ARHGEF7: variants seen among roughly 807,000 people sequenced by gnomAD.
The protein encoded by ARHGEF7 is PAK-interacting exchange factor beta.
ARHGEF7 carries 33 observed loss-of-function variants against 109.8 expected under a neutral mutation model. The ratio of observed to expected loss-of-function variants is 0.30; its 90% CI spans 0.23 to 0.40. The LOEUF is 0.40. Ranked by LOEUF, ARHGEF7 falls within the 10% of genes least tolerant of loss-of-function variation. The pLI, the probability that ARHGEF7 is intolerant of heterozygous loss-of-function variation, is 1.00. For missense variants in ARHGEF7, 938 were observed against 1,098.5 expected (o/e 0.85, Z 2.07); for synonymous variants, 458 against 424.6 (o/e 1.08, Z -0.97).
rs1363647615 is a variant in ARHGEF7, at chr13:111,300,621, A to G, written c.2312-127A>G. On this transcript the variant is annotated intron_variant, in intron 19 of 21. Coordinates refer to ENST00000646102, the MANE Select transcript of ARHGEF7 (RefSeq NM_001354046.2). The stretch of plus-strand genomic sequence containing the variant: ...AGATGCCCTCCTCTAGCTTGCCTGG[A>G]TGAACGTTTTTAAATGCATAATTGC... The G allele has an allele frequency of 6.4e-6, 4 of 626,826 alleles. No homozygotes were observed. The East Asian group carries it at 1.2e-4, about 19-fold the overall frequency. The allele number at this position is 626,826 out of a possible 1,614,324, so 38.8% of individuals were successfully genotyped here.
intron 18 of ARHGEF7, among the ~76,000 whole-genome samples, chr13:111,289,754 C>T (rs1229638095): frequency 6.6e-6 from 1 of 151,084 alleles, no homozygotes; most frequent in Non-Finnish European, 1.5e-5. Flanking sequence ...ATAGGATGAG[C>T]AGGGTAAATC....
chr13:111,277,542 T>G (rs1567051204), intron 12 of ARHGEF7, 45 bp from the exon 13 acceptor site: 1 of 1,193,102 alleles, frequency 8.4e-7, no homozygotes, highest in Non-Finnish European at 1.2e-6. Flanking sequence ...ATTTGTTAAG[T>G]AGATGTTTTT....
At chr13:111,154,069 C>G in intron 2 of ARHGEF7, 78 bp downstream of exon 2, 1 of 1,389,562 alleles carries the variant, frequency 7.2e-7, no homozygotes, top group Non-Finnish European at 9.6e-7. Flanking sequence ...TCGCTCCAGC[C>G]GGACCTCCTG....
intron 2 of ARHGEF7, among the ~76,000 whole-genome samples, chr13:111,197,116 T>A (rs562773463): frequency 6.6e-6 from 1 of 152,150 alleles, no homozygotes; most frequent in African/African-American, 2.4e-5. Flanking sequence ...CAAGAACCTA[T>A]AATGGTCCCT....
chr13:111,202,264 G>C (rs2081294157), intron 2 of ARHGEF7, among the ~76,000 whole-genome samples: 1 of 152,214 alleles, frequency 6.6e-6, no homozygotes, highest in Non-Finnish European at 1.5e-5. Flanking sequence ...GCTTCAGCTG[G>C]GCAGGATTCC....
At chr13:111,151,185 T>TATA (rs1566632363) in intron 1 of ARHGEF7, among the ~76,000 whole-genome samples, 1 of 152,244 alleles carries the variant, frequency 6.6e-6, no homozygotes, top group Non-Finnish European at 1.5e-5. Context: ...CCAACATTCT[T>TATA]ATAAAACAAG....
intron 2 of ARHGEF7, among the ~76,000 whole-genome samples, chr13:111,164,429 A>G (rs966144802): frequency 6.6e-6 from 1 of 152,232 alleles, no homozygotes; most frequent in Non-Finnish European, 1.5e-5. Context: ...GCAAGTTCTC[A>G]GGAGAACTTA....
intron 19 of ARHGEF7, chr13:111,293,375 A>G (rs550452150): frequency 4.1e-6 from 4 of 984,950 alleles, no homozygotes; most frequent in Non-Finnish European, 4.8e-6. Flanking sequence ...ACAATGCCTC[A>G]TTGTAATGGG....
At chr13:111,301,582 AAAG>A (rs765949645) in intron 21 of ARHGEF7, 50 bp downstream of exon 21, 57 of 1,475,108 alleles carry the variant, frequency 3.9e-5, no homozygotes, top group South Asian at 1.0e-4. Flanking sequence ...AAATGGGAGA[AAAG>A]AAGAAAATTA....
intron 19 of ARHGEF7, chr13:111,293,671 G>A (rs2093356219): frequency 1.0e-6 from 1 of 985,258 alleles, no homozygotes; most frequent in Non-Finnish European, 1.2e-6. Flanking sequence ...AGTATTCATT[G>A]AAACCAGCTT....
rs186336200 is a variant in ARHGEF7 at position 111,155,537 on chromosome 13, G to A, written c.252+1546G>A. 1.4e-4 allele frequency among the ~76,000 whole-genome samples: 21 copies of A among 152,362 alleles called. No individual in the cohort carries two copies. In the East Asian group the frequency reaches 3.9e-3, roughly 28 times the overall value. On this transcript the variant is annotated intron_variant, in intron 2 of 21. Coordinates refer to ENST00000646102, the MANE Select transcript of ARHGEF7 (RefSeq NM_001354046.2). ...CAAAGGGGAAAAAGACAGTGTTTCA[G>A]TAGTCTTTCCCTGATACCCTTTGTC...
intron 5 of ARHGEF7, among the ~76,000 whole-genome samples, chr13:111,220,944 T>A (rs2083761161): frequency 6.7e-6 from 1 of 149,614 alleles, no homozygotes; most frequent in Non-Finnish European, 1.5e-5. Flanking sequence ...AGTATTCTCC[T>A]GTTAGTTATA....
chr13:111,119,209 A>T (rs941934318), intron 1 of ARHGEF7, among the ~76,000 whole-genome samples: 13 of 152,192 alleles, frequency 8.5e-5, no homozygotes, highest in Non-Finnish European at 1.5e-5. Flanking sequence ...GTGGAATTGC[A>T]TTAGGGGCAC....
intron 18 of ARHGEF7, among the ~76,000 whole-genome samples, chr13:111,289,898 A>G (rs992825718): frequency 3.9e-5 from 6 of 152,138 alleles, no homozygotes; most frequent in African/African-American, 7.2e-5. Context: ...TTTTTTGTCC[A>G]TACTTTAGTG....
rs1323001872 is a variant in ARHGEF7 at position 111,258,883 on chromosome 13, C to T, written c.951-8665C>T. Among the ~76,000 whole-genome samples the T allele has an allele frequency of 6.6e-6, 1 of 152,068 alleles. No homozygotes were observed. The highest frequency in any genetic ancestry group is 1.5e-5 in the Non-Finnish European group (1 of 68,030). On this transcript the variant is annotated intron_variant, in intron 8 of 21. Transcript: ENST00000646102. This position sits in a 1 kb window ranked among gnomAD's most constrained non-coding sequence, Gnocchi z 4.4. ...GGAGAGTCTCAGGCCTGGTGGCATT[C>T]ACCACAAACTGACTGAAGAGTCCTT...
rs753651065 is a variant in ARHGEF7 at position 111,273,291 on chromosome 13, G to A, written c.1074-523G>A. Among the ~76,000 whole-genome samples the A allele has an allele frequency of 3.9e-5, 6 of 152,140 alleles. No homozygotes were observed. Among genetic ancestry groups the A allele is most frequent in the East Asian group, 1.9e-4 (1 of 5,178 alleles). Reference sequence around the variant, plus strand: ...TTGCTCTCTTCTCTTGCTGCTTCTCGTGCTCCTCACCCCAAGAGCCATTGC... The same window carrying A: ...TTGCTCTCTTCTCTTGCTGCTTCTCATGCTCCTCACCCCAAGAGCCATTGC... On this transcript the variant is annotated intron_variant, in intron 9 of 21. Coordinates refer to ENST00000646102, the MANE Select transcript of ARHGEF7 (RefSeq NM_001354046.2). The surrounding 1 kb of genome is among the most constrained non-coding windows in gnomAD (Gnocchi z 4.5).
At chr13:111,184,304 G>T (rs2079044742) in intron 2 of ARHGEF7, among the ~76,000 whole-genome samples, 1 of 152,126 alleles carries the variant, frequency 6.6e-6, no homozygotes, top group Admixed American at 6.5e-5. Context: ...ACCCAGCCTT[G>T]GGTATTTCTT....
chr13:111,219,591 G>A (rs1050130360), intron 5 of ARHGEF7, among the ~76,000 whole-genome samples: 1 of 151,984 alleles, frequency 6.6e-6, no homozygotes, highest in South Asian at 2.1e-4. Flanking sequence ...GGACCATGTC[G>A]CATTCCCACA....
chr13:111,288,516 C>G, intron 18 of ARHGEF7, 73 bp downstream of exon 18: 2 of 1,270,626 alleles, frequency 1.6e-6, no homozygotes, highest in Non-Finnish European at 2.2e-6. Context: ...TCTGAAGGAA[C>G]CTGTTGTGGT....
Sources: allele counts gnomAD v4.1 joint callset (sites outside exome capture counted in the v4.1 genomes callset), GRCh38; gene constraint gnomAD v4.1.1; non-coding constraint Gnocchi (gnomAD v3.1); transcripts MANE v1.5; gene names NCBI Gene and HGNC (gene_info 2026-07-23, HGNC 2026-07-21).